The following WWOX variants were observed in gnomAD, a reference collection of about 807,000 sequenced individuals.
The protein encoded by WWOX is WW domain containing oxidoreductase.
WWOX carries 69 observed loss-of-function variants against 46.2 expected under a neutral mutation model. The ratio of observed to expected loss-of-function variants is 1.49; its 90% CI spans 1.23 to 1.82. WWOX has a LOEUF of 1.82. Ranked by LOEUF, WWOX falls within the 40% of genes most tolerant of loss-of-function variation. WWOX has a pLI of 0.00. For missense variants in WWOX, 919 were observed against 542.6 expected (o/e 1.69, Z -6.89); for synonymous variants, 359 against 202.6 (o/e 1.77, Z -6.56).
chr16:78,972,436 A>C (rs1454009387), intron 8 of WWOX, among the ~76,000 whole-genome samples: 1 of 150,850 alleles, frequency 6.6e-6, no homozygotes, highest in Non-Finnish European at 1.5e-5. Flanking sequence ...AAGCAGTAGA[A>C]ATAGTCACTG....
chr16:78,214,302 G>A (rs1297340023), intron 5 of WWOX, among the ~76,000 whole-genome samples: 1 of 150,794 alleles, frequency 6.6e-6, no homozygotes, highest in African/African-American at 2.5e-5. Context: ...GCCAAGTACT[G>A]AACCTCTCTG....
chr16:78,491,946 T>C (rs1255289327), intron 8 of WWOX, among the ~76,000 whole-genome samples: 1 of 152,178 alleles, frequency 6.6e-6, no homozygotes. Flanking sequence ...TGCTTGTTGA[T>C]GGACATCTTC....
chr16:78,582,052 C>G (rs959664492), intron 8 of WWOX, among the ~76,000 whole-genome samples: 5 of 152,134 alleles, frequency 3.3e-5, no homozygotes, highest in Admixed American at 6.5e-5. Context: ...CAGGTTAGTC[C>G]TCTGAGAAGG....
intron 8 of WWOX, among the ~76,000 whole-genome samples, chr16:78,436,078 C>T (rs531469700): frequency 1.6e-4 from 25 of 152,292 alleles, no homozygotes; most frequent in African/African-American, 5.5e-4. Context: ...AGAGCGTGGT[C>T]AAATGACATG....
At chr16:78,905,470 C>G (rs950789986) in intron 8 of WWOX, among the ~76,000 whole-genome samples, 1 of 152,184 alleles carries the variant, frequency 6.6e-6, no homozygotes, top group Non-Finnish European at 1.5e-5. Context: ...CAGACTCAAC[C>G]TCCTGGGTGC....
chr16:78,216,472 G>C (rs891218166), intron 5 of WWOX, among the ~76,000 whole-genome samples: 1 of 151,978 alleles, frequency 6.6e-6, no homozygotes, highest in Non-Finnish European at 1.5e-5. Context: ...GTTCTCCTTG[G>C]GCTAAAATGT....
At chr16:78,170,548 T>G (rs375239853) in intron 5 of WWOX, among the ~76,000 whole-genome samples, 5 of 152,368 alleles carry the variant, frequency 3.3e-5, no homozygotes, top group African/African-American at 9.6e-5. Context: ...TTTATCAGCC[T>G]GATTTCAGTG....
chr16:78,859,743 C>T (rs147155399), intron 8 of WWOX, among the ~76,000 whole-genome samples: 1 of 152,080 alleles, frequency 6.6e-6, no homozygotes, highest in East Asian at 1.9e-4. Context: ...AAACAGAACA[C>T]TAATAGCTAT....
intron 8 of WWOX, among the ~76,000 whole-genome samples, chr16:79,107,091 A>T (rs566538690): frequency 2.1e-4 from 32 of 152,098 alleles, no homozygotes; most frequent in Non-Finnish European, 4.4e-4. Flanking sequence ...GATTACAGGC[A>T]TGGGCCACCG....
chr16:78,555,604 T>G (rs1274004978), intron 8 of WWOX, among the ~76,000 whole-genome samples: 1 of 140,506 alleles, frequency 7.1e-6, no homozygotes, highest in African/African-American at 2.6e-5. Context: ...TTTTTTTTAC[T>G]ACTTGCATTA....
chr16:78,624,388 A>G (rs1359751395), intron 8 of WWOX, among the ~76,000 whole-genome samples: 1 of 152,160 alleles, frequency 6.6e-6, no homozygotes, highest in African/African-American at 2.4e-5. Flanking sequence ...CCTCTGAAAC[A>G]AGACGAAGAT....
At chr16:78,337,821 C>G (rs1324285394) in intron 5 of WWOX, among the ~76,000 whole-genome samples, 3 of 59,658 alleles carry the variant, frequency 5.0e-5, no homozygotes, top group East Asian at 2.0e-4. Context: ...TATCCTATTT[C>G]CCTTTTGTTT....
intron 8 of WWOX, among the ~76,000 whole-genome samples, chr16:78,729,508 A>G (rs1468804950): frequency 1.3e-5 from 2 of 152,092 alleles, no homozygotes; most frequent in African/African-American, 2.4e-5. Context: ...GAAGAGGAGG[A>G]GTCCATGCAA....
intron 5 of WWOX, among the ~76,000 whole-genome samples, chr16:78,337,915 C>T (rs1001841067): frequency 1.7e-5 from 2 of 114,516 alleles, no homozygotes; most frequent in African/African-American, 6.0e-5. Flanking sequence ...CAGTGCCTGT[C>T]CTGCTAACCT....
chr16:78,604,015 A>G (rs573236176), intron 8 of WWOX, among the ~76,000 whole-genome samples: 2 of 152,132 alleles, frequency 1.3e-5, no homozygotes, highest in South Asian at 4.2e-4. Context: ...ATGGTGGCAC[A>G]CACCTATAGT....
At chr16:78,352,329 G>GT (rs2081202746) in intron 5 of WWOX, among the ~76,000 whole-genome samples, 1 of 152,178 alleles carries the variant, frequency 6.6e-6, no homozygotes, top group Non-Finnish European at 1.5e-5. Context: ...ACACTTTACA[G>GT]TTTTGGAGGT....
intron 8 of WWOX, among the ~76,000 whole-genome samples, chr16:78,791,723 C>G (rs895589907): frequency 6.6e-6 from 1 of 151,904 alleles, no homozygotes; most frequent in Non-Finnish European, 1.5e-5. Flanking sequence ...ACTAAAAATG[C>G]AAAAAATTAG....
intron 4 of WWOX, among the ~76,000 whole-genome samples, chr16:78,125,308 G>T (rs1375083770): frequency 6.6e-6 from 1 of 152,126 alleles, no homozygotes; most frequent in African/African-American, 2.4e-5. Context: ...CTGCAGGATA[G>T]ATCAAAGGGT....
At chr16:78,451,077 C>T (rs542767840) in intron 8 of WWOX, among the ~76,000 whole-genome samples, 6 of 152,286 alleles carry the variant, frequency 3.9e-5, no homozygotes, top group African/African-American at 7.2e-5. Flanking sequence ...TTGTTTATTG[C>T]ATCTTCCGAT....
Sources: gnomAD v4.1 joint callset for allele counts (sites outside exome capture counted in the v4.1 genomes callset) on GRCh38, gnomAD v4.1.1 for gene constraint, MANE v1.5 for transcripts, NCBI Gene and HGNC (gene_info 2026-07-23, HGNC 2026-07-21) for gene names.